The following GRM7 variants were observed in gnomAD, a reference collection of about 807,000 sequenced individuals.
GRM7 encodes glutamate metabotropic receptor 7, also known as metabotropic glutamate receptor 7.
A neutral mutation model predicts 84.5 loss-of-function variants in GRM7; 35 were observed. The ratio of observed to expected loss-of-function variants is 0.41; its 90% confidence interval spans 0.32 to 0.55. GRM7 has a LOEUF of 0.55. Among genes scored for constraint, GRM7 ranks in the 20% least tolerant of loss-of-function variants. The probability of loss-of-function intolerance (pLI) is 0.19; values close to 1 mark genes in which losing one functional copy is unlikely to be tolerated. For synonymous variants in GRM7, 487 were observed against 455.1 expected (o/e 1.07, Z -0.89); for missense variants, 1,003 against 1,194.6 (o/e 0.84, Z 2.36).
intron 4 of GRM7, among the ~76,000 whole-genome samples, chr3:7,322,193 A>T (rs1700808019): frequency 6.6e-6 from 1 of 152,104 alleles, no homozygotes; most frequent in Non-Finnish European, 1.5e-5. Flanking sequence ...GTGAACTTCT[A>T]GTGGACGCTT....
chr3:7,440,899 A>T (rs1028716521), intron 5 of GRM7, among the ~76,000 whole-genome samples: 19 of 152,082 alleles, frequency 1.2e-4, no homozygotes, highest in Admixed American at 1.2e-3. Flanking sequence ...TCTACCATTG[A>T]TGGAAATACA....
intron 8 of GRM7, among the ~76,000 whole-genome samples, chr3:7,598,930 A>T (rs1308404873): frequency 6.6e-6 from 1 of 152,222 alleles, no homozygotes; most frequent in Non-Finnish European, 1.5e-5. Flanking sequence ...TGATATCTAT[A>T]GTTAATGAGA....
intron 7 of GRM7, among the ~76,000 whole-genome samples, chr3:7,499,786 T>G (rs1181171363): frequency 2.6e-5 from 4 of 151,884 alleles, no homozygotes; most frequent in Admixed American, 6.5e-5. Context: ...TTCTTTTTTT[T>G]TTTTTTGAGA....
chr3:6,880,120 C>A (rs1332828041), intron 1 of GRM7, among the ~76,000 whole-genome samples: 1 of 152,178 alleles, frequency 6.6e-6, no homozygotes, highest in Non-Finnish European at 1.5e-5. Context: ...AGGGATTTGG[C>A]AATCAGGGTT....
At chr3:7,650,200 G>A (rs1262157000) in intron 8 of GRM7, among the ~76,000 whole-genome samples, 1 of 141,328 alleles carries the variant, frequency 7.1e-6, no homozygotes, top group Non-Finnish European at 1.7e-5. Flanking sequence ...TCAAAAGCTT[G>A]CTTGCTATAA....
At chr3:7,093,026 T>C (rs1229247917) in intron 1 of GRM7, among the ~76,000 whole-genome samples, 1 of 152,094 alleles carries the variant, frequency 6.6e-6, no homozygotes, top group East Asian at 1.9e-4. Context: ...AAGGCTGCAG[T>C]GAGCCATGAT....
chr3:7,653,290 G>A (rs987162378), intron 8 of GRM7, among the ~76,000 whole-genome samples: 5 of 138,774 alleles, frequency 3.6e-5, no homozygotes, highest in African/African-American at 1.1e-4. Context: ...TTTATGACTA[G>A]TATTATTAAT....
chr3:7,648,978 TG>T (rs1432604329), intron 8 of GRM7, among the ~76,000 whole-genome samples: 1 of 149,090 alleles, frequency 6.7e-6, no homozygotes, highest in Non-Finnish European at 1.5e-5. Context: ...AAGCACTCAT[TG>T]TTTCCCCCCA....
At chr3:7,230,088 C>T (rs1397153290) in intron 2 of GRM7, among the ~76,000 whole-genome samples, 1 of 151,750 alleles carries the variant, frequency 6.6e-6, no homozygotes, top group Non-Finnish European at 1.5e-5. Context: ...ATCCACCCAC[C>T]TCGGCCTCCC....
At chr3:7,563,532 G>C (rs1473113970) in intron 7 of GRM7, among the ~76,000 whole-genome samples, 1 of 152,142 alleles carries the variant, frequency 6.6e-6, no homozygotes, top group East Asian at 1.9e-4. Flanking sequence ...CAGCTTGAAG[G>C]CATCAGGAAA....
chr3:7,287,063 T>G (rs557184432), intron 2 of GRM7, among the ~76,000 whole-genome samples: 1 of 152,202 alleles, frequency 6.6e-6, no homozygotes, highest in South Asian at 2.1e-4. Context: ...ATTGCTCCCC[T>G]TCCACCCCCA....
In GRM7 at chr3:6,861,474, C is replaced by A. The variant is rs1238724004; in HGVS notation, c.86C>A (p.Ala29Glu). The change falls in exon 1 of 10, where the codon GCG becomes GAG. Residue 29 changes from alanine to glutamate, a missense_variant. Coordinates refer to ENST00000357716, the MANE Select transcript of GRM7 (RefSeq NM_000844.4). The surrounding 1 kb of genome is among the most constrained non-coding windows in gnomAD (Gnocchi z 6.4). ...CTGGAGGTGCTCCTGTGCGCGCTGG[C>A]GGCGGCGGCGCGCGGCCAGGAGATG... ...CVLEVLLCAL[A>E]AAARGQEMYA... 2.1e-6 allele frequency: 3 copies of A among 1,438,682 alleles called. No homozygotes were observed. The highest frequency in any genetic ancestry group is 2.8e-6 in the Non-Finnish European group (3 of 1,072,384). 89.1% of individuals were successfully genotyped at this position (1,438,682 alleles called of 1,614,324 possible).
intron 7 of GRM7, among the ~76,000 whole-genome samples, chr3:7,503,120 A>G (rs576017288): frequency 6.6e-6 from 1 of 152,346 alleles, no homozygotes; most frequent in South Asian, 2.1e-4. Flanking sequence ...GAGGAAAACC[A>G]TATAGGATGA....
At chr3:6,999,655 C>G (rs1276040591) in intron 1 of GRM7, among the ~76,000 whole-genome samples, 3 of 152,166 alleles carry the variant, frequency 2.0e-5, no homozygotes, top group African/African-American at 7.2e-5. Flanking sequence ...AGGAAACTTA[C>G]AATCATGGTG....
At chr3:7,048,329 TG>T (rs2124950829) in intron 1 of GRM7, among the ~76,000 whole-genome samples, 1 of 152,066 alleles carries the variant, frequency 6.6e-6, no homozygotes, top group South Asian at 2.1e-4. Context: ...TTTTCTTGGT[TG>T]TTGCAATTTT....
chr3:7,304,200 A>T (rs564440519), intron 3 of GRM7, among the ~76,000 whole-genome samples: 1 of 152,012 alleles, frequency 6.6e-6, no homozygotes, highest in Non-Finnish European at 1.5e-5. Flanking sequence ...CTACTGAACA[A>T]ATATGCAAGT....
At position 7,276,247 on chromosome 3, in the gene GRM7, G is replaced by A. The variant is rs918605228; in HGVS notation, c.737-22437G>A. On this transcript the variant is annotated intron_variant, in intron 2 of 9. Transcript: ENST00000357716. The stretch of plus-strand genomic sequence containing the variant: ...TGTGTGTGTGTGTGTGTGTGTGTGT[G>A]TGTATATATAATTGTCCTCTCAATG... 4.4e-3 allele frequency among the ~76,000 whole-genome samples: 657 copies of A among 148,304 alleles called. 6 individuals are homozygous for A. The highest frequency in any genetic ancestry group is 0.015 in the African/African-American group (596 of 39,808).
At chr3:7,407,632 T>C (rs1158739508) in intron 4 of GRM7, among the ~76,000 whole-genome samples, 1 of 152,210 alleles carries the variant, frequency 6.6e-6, no homozygotes, top group African/African-American at 2.4e-5. Context: ...GGTGCCGCTT[T>C]AAGTCGCATT....
At chr3:7,225,363 T>C (rs1481394865) in intron 2 of GRM7, among the ~76,000 whole-genome samples, 1 of 148,812 alleles carries the variant, frequency 6.7e-6, no homozygotes, top group Non-Finnish European at 1.5e-5. Context: ...TTTCTTATTT[T>C]ATCTGTAATT....
Sources: allele counts gnomAD v4.1 joint callset (sites outside exome capture counted in the v4.1 genomes callset), GRCh38; gene constraint gnomAD v4.1.1; non-coding constraint Gnocchi (gnomAD v3.1); transcripts MANE v1.5; gene names NCBI Gene and HGNC (gene_info 2026-07-23, HGNC 2026-07-21).